DPYD: variants seen among roughly 807,000 people sequenced by gnomAD.
DPYD encodes the protein dihydropyrimidine dehydrogenase [NADP(+)].
A neutral mutation model predicts 116.2 loss-of-function variants in DPYD; 109 were observed. The observed-to-expected ratio is 0.94, with a 90% CI of 0.80 to 1.10. The LOEUF (loss-of-function observed/expected upper bound fraction) is 1.10. Among genes scored for constraint, DPYD ranks in the 50% least tolerant of loss-of-function variants. The pLI is 0.00. For synonymous variants in DPYD, 440 were observed against 432.0 expected (o/e 1.02, Z -0.23); for missense variants, 1,302 against 1,254.5 (o/e 1.04, Z -0.57).
chr1:97,490,734 T>C (rs1301927208), intron 13 of DPYD, among the ~76,000 whole-genome samples: 1 of 151,134 alleles, frequency 6.6e-6, no homozygotes, highest in Non-Finnish European at 1.5e-5. Context: ...AACTGGTTAA[T>C]ATCTGCAATC....
intron 13 of DPYD, among the ~76,000 whole-genome samples, chr1:97,502,806 A>G (rs1679665297): frequency 6.6e-6 from 1 of 152,020 alleles, no homozygotes. Context: ...ACTTTTATTG[A>G]CAGGGTATTT....
chr1:97,517,172 G>T (rs1286956581), intron 12 of DPYD, among the ~76,000 whole-genome samples: 1 of 152,062 alleles, frequency 6.6e-6, no homozygotes, highest in East Asian at 1.9e-4. Context: ...GCAAAGAGAT[G>T]CCTGATGGGA....
intron 3 of DPYD, among the ~76,000 whole-genome samples, chr1:97,804,972 T>A (rs974242282): frequency 6.6e-6 from 1 of 151,918 alleles, no homozygotes; most frequent in African/African-American, 2.4e-5. Context: ...TTGCACTTGA[T>A]AAAATATTTT....
chr1:97,601,990 T>A (rs1256732555), intron 8 of DPYD, among the ~76,000 whole-genome samples: 1 of 152,048 alleles, frequency 6.6e-6, no homozygotes. Context: ...ATTAATTGTG[T>A]GTATCACACA....
chr1:97,161,839 G>C (rs576504626), intron 20 of DPYD, among the ~76,000 whole-genome samples: 342 of 149,164 alleles, frequency 2.3e-3, no homozygotes, highest in African/African-American at 7.7e-3. Context: ...TTTTGTCCTT[G>C]CGATAGTTTA....
chr1:97,516,423 T>C (rs1052311313), intron 12 of DPYD, among the ~76,000 whole-genome samples: 5 of 152,138 alleles, frequency 3.3e-5, no homozygotes, highest in East Asian at 1.9e-4. Context: ...GTTTTCAGTA[T>C]AGCAGCAGGA....
chr1:97,356,224 ATTTCT>A (rs1237544254), intron 16 of DPYD, among the ~76,000 whole-genome samples: 1 of 152,080 alleles, frequency 6.6e-6, no homozygotes, highest in Non-Finnish European at 1.5e-5. Context: ...CATTTGTGTT[ATTTCT>A]TTTAAGAAAT....
chr1:97,133,921 C>T (rs1653522968), intron 20 of DPYD, among the ~76,000 whole-genome samples: 1 of 148,408 alleles, frequency 6.7e-6, no homozygotes, highest in Non-Finnish European at 1.5e-5. Context: ...ATCGCTGAAA[C>T]CCGGGAGGTG....
intron 2 of DPYD, among the ~76,000 whole-genome samples, chr1:97,867,418 A>C (rs1198509624): frequency 6.6e-6 from 1 of 151,886 alleles, no homozygotes; most frequent in African/African-American, 2.4e-5. Context: ...AATGAAGGAA[A>C]GATTTGAGTT....
chr1:97,136,192 T>C (rs1653784111), intron 20 of DPYD, among the ~76,000 whole-genome samples: 1 of 152,190 alleles, frequency 6.6e-6, no homozygotes, highest in Admixed American at 6.5e-5. Context: ...AGGTTGGAAA[T>C]CCAGCATGAT....
chr1:97,403,802 C>T (rs909351079), intron 14 of DPYD, among the ~76,000 whole-genome samples: 1 of 151,426 alleles, frequency 6.6e-6, no homozygotes, highest in Admixed American at 6.6e-5. Flanking sequence ...TTGATTTTTG[C>T]TAATTCTTAT....
chr1:97,379,704 C>T (rs565604946), intron 15 of DPYD, among the ~76,000 whole-genome samples: 28 of 152,292 alleles, frequency 1.8e-4, no homozygotes, highest in Middle Eastern at 3.4e-3. Context: ...AATCTAGCTT[C>T]CCTAGCAGCT....
intron 18 of DPYD, among the ~76,000 whole-genome samples, chr1:97,264,894 T>C (rs971211806): frequency 6.6e-6 from 1 of 152,124 alleles, no homozygotes; most frequent in African/African-American, 2.4e-5. Context: ...GACCTGAAAG[T>C]GTTTTTGTTT....
At chr1:97,564,872 T>C (rs2102147318) in intron 11 of DPYD, among the ~76,000 whole-genome samples, 1 of 152,276 alleles carries the variant, frequency 6.6e-6, no homozygotes, top group South Asian at 2.1e-4. Context: ...TTTCCCAAAA[T>C]TACTGACACT....
At chr1:97,474,188 T>C (rs1677821474) in intron 13 of DPYD, among the ~76,000 whole-genome samples, 1 of 152,110 alleles carries the variant, frequency 6.6e-6, no homozygotes, top group Non-Finnish European at 1.5e-5. Flanking sequence ...TTATGCAAGG[T>C]AATCAAAATG....
intron 8 of DPYD, among the ~76,000 whole-genome samples, chr1:97,673,097 C>T (rs543171020): frequency 1.3e-5 from 2 of 151,972 alleles, no homozygotes; most frequent in East Asian, 1.9e-4. Context: ...GATATTTGCA[C>T]TTGTTATTTT....
chr1:97,767,182 T>C (rs1665903487), intron 3 of DPYD, among the ~76,000 whole-genome samples: 2 of 152,182 alleles, frequency 1.3e-5, no homozygotes, highest in Non-Finnish European at 2.9e-5. Context: ...GACCCTGGAA[T>C]TAACATGATG....
chr1:97,695,652 G>A (rs1661254744), intron 6 of DPYD, among the ~76,000 whole-genome samples: 1 of 151,866 alleles, frequency 6.6e-6, no homozygotes, highest in South Asian at 2.1e-4. Context: ...ATACAGGTAG[G>A]TATCAGGTCG....
intron 8 of DPYD, among the ~76,000 whole-genome samples, chr1:97,636,606 T>C (rs1290296349): frequency 6.6e-6 from 1 of 152,178 alleles, no homozygotes; most frequent in African/African-American, 2.4e-5. Context: ...AATGAAGACA[T>C]ATAATATGTG....
Sources: gnomAD v4.1 joint callset for allele counts (sites outside exome capture counted in the v4.1 genomes callset) on GRCh38, gnomAD v4.1.1 for gene constraint, MANE v1.5 for transcripts, NCBI Gene and HGNC (gene_info 2026-07-23, HGNC 2026-07-21) for gene names.